The following CPE variants were observed in gnomAD, a reference collection of about 807,000 sequenced individuals.
The protein encoded by CPE is carboxypeptidase E.
Under a neutral mutation model 53.5 loss-of-function variants are expected in CPE, and 17 were observed. The ratio of observed to expected loss-of-function variants is 0.32; its 90% CI spans 0.22 to 0.48. The LOEUF (loss-of-function observed/expected upper bound fraction) is 0.48. Ranked by LOEUF, CPE falls within the 20% of genes least tolerant of loss-of-function variation. CPE has a pLI of 0.99. For missense variants in CPE, 524 were observed against 614.7 expected, an observed-to-expected ratio of 0.85 and a Z score of 1.56; for synonymous variants, 226 against 228.8, an observed-to-expected ratio of 0.99 and a Z score of 0.11.
chr4:165,439,668 AC>A (rs1400088459), intron 1 of CPE, among the ~76,000 whole-genome samples: 1 of 151,830 alleles, frequency 6.6e-6, no homozygotes, highest in Non-Finnish European at 1.5e-5. Context: ...TCTTCCTCTT[AC>A]AAAAAATCCA....
intron 1 of CPE, among the ~76,000 whole-genome samples, chr4:165,424,406 C>T (rs970232830): frequency 6.6e-6 from 1 of 151,100 alleles, no homozygotes. Context: ...ATATAAATGA[C>T]TTATATTGAT....
chr4:165,497,649 A>G lies in CPE; in HGVS notation c.*39A>G. On this transcript the variant is annotated 3_prime_UTR_variant, in exon 9 of 9. Transcript: ENST00000402744. The stretch of plus-strand genomic sequence containing the variant: ...TAGCTGCTTTAAATCTATCTATATA[A>G]TGTAGTATGATGTAATGTGGTCTTT... 4 of 1,112,286 alleles carry G rather than the reference A, an allele frequency of 3.6e-6. No individual in the cohort carries two copies. The highest frequency in any genetic ancestry group is 4.9e-6 in the Non-Finnish European group (4 of 809,760). The allele number at this position is 1,112,286 out of a possible 1,614,324, so 68.9% of individuals were successfully genotyped here.
chr4:165,497,457 A>G (rs917080769), intron 8 of CPE, 55 bp from the exon 9 acceptor site: 4 of 1,038,406 alleles, frequency 3.9e-6, no homozygotes, highest in Admixed American at 2.9e-5. Flanking sequence ...TTTTATTTCA[A>G]TTTAAAAAAA....
intron 1 of CPE, among the ~76,000 whole-genome samples, chr4:165,430,624 TGA>T (rs1459250951): frequency 6.6e-6 from 1 of 151,298 alleles, no homozygotes; most frequent in Non-Finnish European, 1.5e-5. Flanking sequence ...TGTTGGAATT[TGA>T]AAAAATATAA....
intron 1 of CPE, among the ~76,000 whole-genome samples, chr4:165,463,044 A>G (rs1732036842): frequency 1.3e-5 from 2 of 152,196 alleles, no homozygotes; most frequent in African/African-American, 2.4e-5. Flanking sequence ...GAGCAGAACA[A>G]CAGGATTAAT....
chr4:165,486,984 C>G (rs994216859), intron 5 of CPE, among the ~76,000 whole-genome samples: 1 of 152,156 alleles, frequency 6.6e-6, no homozygotes, highest in African/African-American at 2.4e-5. Context: ...CTCCCAATCC[C>G]TCAGGAATAC....
intron 3 of CPE, among the ~76,000 whole-genome samples, chr4:165,473,077 G>T (rs1732236999): frequency 6.6e-6 from 1 of 151,096 alleles, no homozygotes; most frequent in Admixed American, 6.6e-5. Context: ...ACAGTTAGGA[G>T]TCAAAGTAGC....
intron 1 of CPE, among the ~76,000 whole-genome samples, chr4:165,412,736 A>C (rs2126668667): frequency 6.6e-6 from 1 of 152,366 alleles, no homozygotes; most frequent in East Asian, 1.9e-4. Context: ...ACATTTAAAA[A>C]ATATGAACAT....
At chr4:165,433,610 A>T (rs918509512) in intron 1 of CPE, among the ~76,000 whole-genome samples, 2 of 152,186 alleles carry the variant, frequency 1.3e-5, no homozygotes, top group East Asian at 1.9e-4. Flanking sequence ...CAACTACTCA[A>T]TGCTGCCATT....
chr4:165,442,033 T>G (rs1000166113), intron 1 of CPE, among the ~76,000 whole-genome samples: 6 of 105,206 alleles, frequency 5.7e-5, no homozygotes, highest in African/African-American at 1.4e-4. Flanking sequence ...GTTTTTTTTT[T>G]TTGTTTTTTT....
chr4:165,492,271 A>G (rs1361626509), intron 6 of CPE, among the ~76,000 whole-genome samples: 1 of 152,242 alleles, frequency 6.6e-6, no homozygotes, highest in Non-Finnish European at 1.5e-5. Context: ...AATAGATTTA[A>G]TGCAAAAGCA....
rs554710533 is a variant in CPE at position 165,379,489 on chromosome 4, G to A, written c.268G>A (p.Val90Ile). ...GRSFEGRELL[V>I]IELSDNPGVH... is the part of the protein sequence containing the mutation. Reference sequence around the variant, plus strand: ...CAGCTTCGAGGGCCGGGAGCTCCTGGTCATCGAGCTGTCCGACAACCCTGG... The same window carrying A: ...CAGCTTCGAGGGCCGGGAGCTCCTGATCATCGAGCTGTCCGACAACCCTGG... Residue 90 changes from valine to isoleucine, a missense_variant, in exon 1 of 9, where the codon GTC becomes ATC. Val to Ile is a conservative substitution (Grantham distance 29, BLOSUM62 3). Transcript: ENST00000402744. This position sits in a 1 kb window ranked among gnomAD's most constrained non-coding sequence, Gnocchi z 6.0. 6.2e-7 allele frequency: 1 copy of A among 1,601,522 alleles called. No individual in the cohort carries two copies. Among genetic ancestry groups the A allele is most frequent in the South Asian group, 1.1e-5 (1 of 89,994 alleles).
chr4:165,457,498 C>G (rs1731921761), intron 1 of CPE, among the ~76,000 whole-genome samples: 1 of 152,204 alleles, frequency 6.6e-6, no homozygotes, highest in South Asian at 2.1e-4. Context: ...TGTTCTTTTG[C>G]TCACCTCTCC....
chr4:165,422,108 G>A (rs1001653118), intron 1 of CPE, among the ~76,000 whole-genome samples: 2 of 152,050 alleles, frequency 1.3e-5, no homozygotes, highest in African/African-American at 4.8e-5. Flanking sequence ...ATGATTAAAA[G>A]AACTTAAAAA....
chr4:165,497,645 T>C lies in CPE; in HGVS notation c.*35T>C. 8.4e-7 allele frequency: 1 copy of C among 1,188,180 alleles called. No homozygotes were observed. Among genetic ancestry groups the C allele is most frequent in the Non-Finnish European group, 1.2e-6 (1 of 869,566 alleles). The allele number at this position is 1,188,180 out of a possible 1,614,324, so 73.6% of individuals were successfully genotyped here. ...TAGTTAGCTGCTTTAAATCTATCTA[T>C]ATAATGTAGTATGATGTAATGTGGT... On this transcript the variant is annotated 3_prime_UTR_variant, in exon 9 of 9. Coordinates refer to ENST00000402744, the MANE Select transcript of CPE (RefSeq NM_001873.4).
intron 1 of CPE, among the ~76,000 whole-genome samples, chr4:165,424,211 T>A (rs886114292): frequency 2.0e-5 from 3 of 152,142 alleles, no homozygotes; most frequent in African/African-American, 7.2e-5. Flanking sequence ...TTAAAAAATA[T>A]TAAAGTCAAT....
chr4:165,452,970 A>T (rs1731837170), intron 1 of CPE, among the ~76,000 whole-genome samples: 1 of 151,916 alleles, frequency 6.6e-6, no homozygotes, highest in African/African-American at 2.4e-5. Context: ...AAGTCAGCAC[A>T]ATTTTCTTTC....
intron 1 of CPE, among the ~76,000 whole-genome samples, chr4:165,423,438 A>C (rs939753146): frequency 6.6e-6 from 1 of 151,818 alleles, no homozygotes; most frequent in South Asian, 2.1e-4. Context: ...CAGTTTCATC[A>C]TATGGTTATT....
chr4:165,392,553 TATA>T (rs1730701133), intron 1 of CPE, among the ~76,000 whole-genome samples: 2 of 146,072 alleles, frequency 1.4e-5, no homozygotes. Context: ...ATTTATATAT[TATA>T]ATGGAGCTTA....
Sources: allele counts gnomAD v4.1 joint callset (sites outside exome capture counted in the v4.1 genomes callset), GRCh38; gene constraint gnomAD v4.1.1; non-coding constraint Gnocchi (gnomAD v3.1); transcripts MANE v1.5; gene names NCBI Gene and HGNC (gene_info 2026-07-23, HGNC 2026-07-21).